The following BCR variants were observed in gnomAD, a reference collection of about 807,000 sequenced individuals.
The protein encoded by BCR is breakpoint cluster region protein.
Under a neutral mutation model 138.6 loss-of-function variants are expected in BCR, and 58 were observed. The observed-to-expected ratio is 0.42, with a 90% CI of 0.34 to 0.52. BCR has a LOEUF of 0.52. Among genes scored for constraint, BCR ranks in the 20% least tolerant of loss-of-function variants. BCR has a pLI of 0.06. For missense variants in BCR, 1,599 were observed against 1,727.2 expected (o/e 0.93, Z 1.32); for synonymous variants, 786 against 730.1 (o/e 1.08, Z -1.23).
intron 1 of BCR, among the ~76,000 whole-genome samples, chr22:23,198,995 A>C (rs1341844172): frequency 6.6e-6 from 1 of 152,022 alleles, no homozygotes; most frequent in Non-Finnish European, 1.5e-5. Context: ...GGGGGTGCAC[A>C]CCTGTGATCC....
At chr22:23,278,908 G>C (rs544538144) in intron 8 of BCR, among the ~76,000 whole-genome samples, 5 of 152,182 alleles carry the variant, frequency 3.3e-5, no homozygotes, top group Admixed American at 6.5e-5. Context: ...CCCATGTCGA[G>C]GGCTGGGCCT....
chr22:23,289,710 T>C, intron 13 of BCR, 89 bp downstream of exon 13: 2 of 1,092,730 alleles, frequency 1.8e-6, no homozygotes, highest in Non-Finnish European at 2.8e-6. Context: ...GTTAGCACTT[T>C]TGATGGGACT....
At chr22:23,214,791 T>C (rs1000010122) in intron 1 of BCR, among the ~76,000 whole-genome samples, 1 of 152,236 alleles carries the variant, frequency 6.6e-6, no homozygotes, top group Non-Finnish European at 1.5e-5. Context: ...GCTTTGTTTT[T>C]ACTTTTTCTT....
At chr22:23,262,695 GGGCCCGGGT>G in intron 4 of BCR, 2 of 182,010 alleles carry the variant, frequency 1.1e-5, no homozygotes, top group Non-Finnish European at 1.5e-5. Flanking sequence ...CGGGAATGGC[GGGCCCGGGT>G]GAGGGCGGGC....
rs1285540739 is a variant in BCR, at chr22:23,181,552, G to A, written c.592G>A (p.Asp198Asn). ...GAAGGTCAACGACAAAGAGGTGTCG[G>A]ACCGCATCAGCTCCCTGGGCAGCCA... is the stretch of plus-strand genomic sequence containing the variant. ...LVKVNDKEVS[D>N]RISSLGSQAM... The change falls in exon 1 of 23, where the codon GAC (aspartate) becomes AAC (asparagine). Residue 198 changes from aspartate to asparagine, a missense_variant. Physicochemically the swap from Asp to Asn is conservative, Grantham distance 23 (BLOSUM62 1). Coordinates refer to ENST00000305877, the MANE Select transcript of BCR (RefSeq NM_004327.4). 1.7e-5 allele frequency: 28 copies of A among 1,612,872 alleles called. No individual in the cohort carries two copies. The highest frequency in any genetic ancestry group is 2.3e-5 in the Non-Finnish European group (27 of 1,180,000).
chr22:23,218,963 G>T (rs754785602), intron 1 of BCR, among the ~76,000 whole-genome samples: 1 of 152,240 alleles, frequency 6.6e-6, no homozygotes, highest in Non-Finnish European at 1.5e-5. Flanking sequence ...TTACAGAGCG[G>T]CCAGCTGGTG....
chr22:23,207,569 G>T (rs1469553024), intron 1 of BCR, among the ~76,000 whole-genome samples: 1 of 152,204 alleles, frequency 6.6e-6, no homozygotes, highest in Admixed American at 6.5e-5. Flanking sequence ...GCTACATTGA[G>T]CTGTGATTGC....
chr22:23,181,680 C>T lies in BCR; in HGVS notation c.720C>T (p.Cys240=), dbSNP rs745306433. The change falls in exon 1 of 23, where the codon TGC becomes TGT. Residue 240 remains cysteine, a synonymous_variant. Coordinates refer to ENST00000305877, the MANE Select transcript of BCR (RefSeq NM_004327.4). The part of the protein sequence containing the change: ...PYRGRSSESS[C]GVDGDYEDAE... ...GGGGACGCTCCTCGGAGAGCAGCTGCGGCGTCGACGGCGACTACGAGGACG... is the reference window on the plus strand; with the variant it reads ...GGGGACGCTCCTCGGAGAGCAGCTGTGGCGTCGACGGCGACTACGAGGACG... The T allele has an allele frequency of 4.4e-6, 7 of 1,605,430 alleles. No homozygotes were observed. The highest frequency in any genetic ancestry group is 5.9e-6 in the Non-Finnish European group (7 of 1,179,796).
chr22:23,184,339 C>T (rs1332281705), intron 1 of BCR, among the ~76,000 whole-genome samples: 1 of 152,124 alleles, frequency 6.6e-6, no homozygotes, highest in African/African-American at 2.4e-5. Flanking sequence ...ATTCCTCTAG[C>T]TTCAGCCTCC....
At chr22:23,299,301 C>T (rs1223610928) in intron 16 of BCR, among the ~76,000 whole-genome samples, 1 of 152,206 alleles carries the variant, frequency 6.6e-6, no homozygotes, top group African/African-American at 2.4e-5. Flanking sequence ...TGTTTAGGGG[C>T]TACGTAAGTT....
rs549684464 is a variant in BCR at position 23,242,353 on chromosome 22, A to G, written c.1280-11446A>G. Among the ~76,000 whole-genome samples, 95 of 152,242 alleles carry G rather than the reference A, an allele frequency of 6.2e-4. No homozygotes were observed. The South Asian group carries it at 0.018, about 29-fold the overall frequency. On this transcript the variant is annotated intron_variant, in intron 1 of 22. Coordinates refer to ENST00000305877, the MANE Select transcript of BCR (RefSeq NM_004327.4). Reference sequence around the variant, plus strand: ...AGCCCCCGATTCCATCTCAGGTGATAAGGGCTATTTTCTCCCCTGGTTCAA... The same window carrying G: ...AGCCCCCGATTCCATCTCAGGTGATGAGGGCTATTTTCTCCCCTGGTTCAA...
intron 8 of BCR, among the ~76,000 whole-genome samples, chr22:23,277,126 T>C (rs1278897213): frequency 1.3e-5 from 2 of 152,276 alleles, no homozygotes; most frequent in East Asian, 3.8e-4. Context: ...GGGCAGGGCC[T>C]GAACTTTTCT....
chr22:23,243,222 CT>C (rs1273462504), intron 1 of BCR, among the ~76,000 whole-genome samples: 6 of 152,096 alleles, frequency 3.9e-5, no homozygotes, highest in African/African-American at 1.4e-4. Context: ...TGAGGGGCCC[CT>C]AGATAGCTGT....
Position 23,266,221 on chromosome 22 carries a change from G to C in BCR, c.1753-2187G>C, listed in dbSNP as rs146521693. 9.9e-3 allele frequency among the ~76,000 whole-genome samples: 1,501 copies of C among 152,046 alleles called. 13 individuals are homozygous for C. The highest frequency in any genetic ancestry group is 0.035 in the African/African-American group (1,434 of 41,476). On this transcript the variant is annotated intron_variant, in intron 4 of 22. Coordinates refer to ENST00000305877, the MANE Select transcript of BCR (RefSeq NM_004327.4). ...TGCCTCAGCTTCCCTGAGTAGCTGG[G>C]ACTACAGGCACGTGCCACCATGCCC...
intron 13 of BCR, 80 bp from the exon 14 acceptor site, chr22:23,290,259 G>T: frequency 7.0e-7 from 1 of 1,429,748 alleles, no homozygotes; most frequent in South Asian, 1.1e-5. Flanking sequence ...CCGGATGGTT[G>T]ATTTTGAAGC....
At position 23,210,738 on chromosome 22, in the gene BCR, G is replaced by A. The variant is rs571320831; in HGVS notation, c.1279+28499G>A. On this transcript the variant is annotated intron_variant, in intron 1 of 22. Coordinates refer to ENST00000305877, the MANE Select transcript of BCR (RefSeq NM_004327.4). ...AATGTCATATAAATAGAATTGTACA[G>A]TGTGTAACCTTTTGGCTCTGGCTTT... 2.0e-5 allele frequency among the ~76,000 whole-genome samples: 3 copies of A among 152,330 alleles called. No individual in the cohort carries two copies. In the South Asian group the frequency reaches 6.2e-4, roughly 32 times the overall value.
Position 23,201,122 on chromosome 22 carries a change from C to G in BCR, c.1279+18883C>G, listed in dbSNP as rs144051728. On this transcript the variant is annotated intron_variant, in intron 1 of 22. Coordinates refer to ENST00000305877, the MANE Select transcript of BCR (RefSeq NM_004327.4). ...GGGCAGCAGGTCCCTACTCTGGCTGCCCATGTAGTTAAAAAGTCACACACG... is the reference window on the plus strand; with the variant it reads ...GGGCAGCAGGTCCCTACTCTGGCTGGCCATGTAGTTAAAAAGTCACACACG... Among the ~76,000 whole-genome samples the G allele has an allele frequency of 3.0e-3, 457 of 152,336 alleles. 4 individuals are homozygous for G. Among genetic ancestry groups the G allele is most frequent in the African/African-American group, 0.011 (437 of 41,570 alleles).
intron 1 of BCR, among the ~76,000 whole-genome samples, chr22:23,205,933 A>G (rs555697654): frequency 4.6e-5 from 7 of 152,282 alleles, no homozygotes; most frequent in East Asian, 1.9e-4. Flanking sequence ...TGGTGATGCA[A>G]TCGATGACAG....
At chr22:23,239,606 CTTCA>C (rs2073065825) in intron 1 of BCR, among the ~76,000 whole-genome samples, 1 of 152,148 alleles carries the variant, frequency 6.6e-6, no homozygotes, top group East Asian at 1.9e-4. Context: ...TCCACAATGA[CTTCA>C]TTCATGTAAT....
Sources: gnomAD v4.1 joint callset for allele counts (sites outside exome capture counted in the v4.1 genomes callset) on GRCh38, gnomAD v4.1.1 for gene constraint, MANE v1.5 for transcripts, NCBI Gene and HGNC (gene_info 2026-07-23, HGNC 2026-07-21) for gene names.